Variants in TRIM62 observed in about 807,000 individuals in gnomAD.
The protein encoded by TRIM62 is E3 ubiquitin-protein ligase TRIM62.
A neutral mutation model predicts 44.2 loss-of-function variants in TRIM62; 39 were observed. The observed-to-expected ratio is 0.88, with a 90% CI of 0.68 to 1.15. The LOEUF (loss-of-function observed/expected upper bound fraction) is 1.15, where lower values mean the gene tolerates loss of function less well. Among genes scored for constraint, TRIM62 ranks in the 50% most tolerant of loss-of-function variants. TRIM62 has a pLI of 0.00. For synonymous variants in TRIM62, 278 were observed against 292.3 expected (o/e 0.95, Z 0.50); for missense variants, 544 against 665.5 (o/e 0.82, Z 2.01).
In TRIM62 at chr1:33,177,066, TGCACACACACAC is replaced by T. The variant is rs1645426174; in HGVS notation, c.408+3947_408+3958del. 6.4e-5 allele frequency among the ~76,000 whole-genome samples: 4 copies of T among 62,900 alleles called. No homozygotes were observed. Among genetic ancestry groups the T allele is most frequent in the African/African-American group, 2.2e-4 (4 of 18,266 alleles). The allele number at this position is 62,900 out of a possible 152,430, so 41.3% of individuals were successfully genotyped here. A position where few individuals can be genotyped will look rare whatever the true frequency, so the allele number is the denominator to read the frequency against. ...ACACACACACGCACACACACACACATGCACACACACACATGCATGCACAAATGCACACACATG... is the reference window on the plus strand; with the variant it reads ...ACACACACACGCACACACACACACATATGCATGCACAAATGCACACACATG... On this transcript the variant is annotated intron_variant, in intron 1 of 4. Coordinates refer to ENST00000291416, the MANE Select transcript of TRIM62 (RefSeq NM_018207.3). This position sits in a 1 kb window ranked among gnomAD's most constrained non-coding sequence, Gnocchi z 4.1.
rs1022063832 is a variant in TRIM62, at chr1:33,177,953, G to A, written c.408+3072C>T. ...AGAGATGGTAAATAATCTTCCCAAAGTCACACAGTAAATGGTAGAGCCAGG... is the reference window on the plus strand; with the variant it reads ...AGAGATGGTAAATAATCTTCCCAAAATCACACAGTAAATGGTAGAGCCAGG... On this transcript the variant is annotated intron_variant, in intron 1 of 4. Coordinates refer to ENST00000291416, the MANE Select transcript of TRIM62 (RefSeq NM_018207.3). The surrounding 1 kb of genome is among the most constrained non-coding windows in gnomAD (Gnocchi z 4.1). 6.6e-6 allele frequency among the ~76,000 whole-genome samples: 1 copy of A among 152,136 alleles called. No homozygotes were observed. Among genetic ancestry groups the A allele is most frequent in the Admixed American group, 6.5e-5 (1 of 15,272 alleles).
chr1:33,168,442 C>G (rs888081125), intron 1 of TRIM62, among the ~76,000 whole-genome samples: 1 of 151,998 alleles, frequency 6.6e-6, no homozygotes, highest in African/African-American at 2.4e-5. Flanking sequence ...TGTTCCCACT[C>G]AAGTGGATTT....
rs1049712518 is a variant in TRIM62, at chr1:33,177,483, G to A, written c.408+3542C>T. On this transcript the variant is annotated intron_variant, in intron 1 of 4. Coordinates refer to ENST00000291416, the MANE Select transcript of TRIM62 (RefSeq NM_018207.3). This position sits in a 1 kb window ranked among gnomAD's most constrained non-coding sequence, Gnocchi z 4.1. ...CATGTCAGGATCTGACCCCTGTGAT[G>A]TAATCTGGAGTACAAAGCAATTGTG... is the stretch of plus-strand genomic sequence containing the variant. 2.0e-5 allele frequency among the ~76,000 whole-genome samples: 3 copies of A among 152,162 alleles called. No individual in the cohort carries two copies. The highest frequency in any genetic ancestry group is 4.4e-5 in the Non-Finnish European group (3 of 68,040).
chr1:33,153,653 G>A (rs1178638577), intron 4 of TRIM62, among the ~76,000 whole-genome samples: 1 of 152,156 alleles, frequency 6.6e-6, no homozygotes, highest in Non-Finnish European at 1.5e-5. Context: ...GCTCCCTTAT[G>A]AGGGAGTTGA....
chr1:33,175,936 C>A (rs981166301), intron 1 of TRIM62, among the ~76,000 whole-genome samples: 1 of 152,096 alleles, frequency 6.6e-6, no homozygotes, highest in African/African-American at 2.4e-5. Context: ...TCTTGGGGTC[C>A]CCAATGTTGG....
intron 4 of TRIM62, 28 bp downstream of exon 4, chr1:33,158,225 C>T: frequency 6.2e-7 from 1 of 1,600,788 alleles, no homozygotes; most frequent in Non-Finnish European, 8.6e-7. Context: ...CCCCACCTAG[C>T]TCTGGACCAT....
chr1:33,157,668 T>C (rs763069764), intron 4 of TRIM62, among the ~76,000 whole-genome samples: 20 of 152,194 alleles, frequency 1.3e-4, no homozygotes, highest in Admixed American at 4.6e-4. Flanking sequence ...TGTACCCTGT[T>C]GTATAGAAGG....
Position 33,147,161 on chromosome 1 carries a change from T to G in TRIM62, c.*16A>C. The G allele has an allele frequency of 1.2e-6, 2 of 1,609,086 alleles. No homozygotes were observed. Among genetic ancestry groups the G allele is most frequent in the Non-Finnish European group, 1.7e-6 (2 of 1,177,200 alleles). On this transcript the variant is annotated 3_prime_UTR_variant, in exon 5 of 5. Transcript: ENST00000291416. This position sits in a 1 kb window ranked among gnomAD's most constrained non-coding sequence, Gnocchi z 8.1. Reference sequence around the variant, plus strand: ...TGGCAGTGGTCCCAGGAGGTTGTGGTCTCCTTCTGCCTGGACTAGATGCGG... The same window carrying G: ...TGGCAGTGGTCCCAGGAGGTTGTGGGCTCCTTCTGCCTGGACTAGATGCGG...
rs935983772 is a variant in TRIM62 at position 33,159,134 on chromosome 1, C to T, written c.761+554G>A. 1.3e-5 allele frequency among the ~76,000 whole-genome samples: 2 copies of T among 151,946 alleles called. No individual in the cohort carries two copies. Among genetic ancestry groups the T allele is most frequent in the East Asian group, 1.9e-4 (1 of 5,192 alleles). ...TGCTGGGATTACAGGTGTGAGCCAC[C>T]GTGCCCAGCAGGAGCCTCAGTTTCT... On this transcript the variant is annotated intron_variant, in intron 3 of 4. Coordinates refer to ENST00000291416, the MANE Select transcript of TRIM62 (RefSeq NM_018207.3). The surrounding 1 kb of genome is among the most constrained non-coding windows in gnomAD (Gnocchi z 4.2).
At position 33,159,648 on chromosome 1, in the gene TRIM62, G is replaced by A; in HGVS notation, c.761+40C>T. 6.3e-7 allele frequency: 1 copy of A among 1,580,630 alleles called. No homozygotes were observed. Among genetic ancestry groups the A allele is most frequent in the Non-Finnish European group, 8.6e-7 (1 of 1,164,124 alleles). On this transcript the variant is annotated intron_variant, in intron 3 of 4. Transcript: ENST00000291416. This position sits in a 1 kb window ranked among gnomAD's most constrained non-coding sequence, Gnocchi z 4.2. ...CACTGCCCAGCATGGGTCGAGGAGG[G>A]GATGGTCAGCCGGGGAGGGCCCCGG... is the stretch of plus-strand genomic sequence containing the variant.
At chr1:33,162,619 A>G (rs1010101797) in intron 2 of TRIM62, among the ~76,000 whole-genome samples, 2 of 152,166 alleles carry the variant, frequency 1.3e-5, no homozygotes, top group Non-Finnish European at 2.9e-5. Context: ...TGCTCCGTAG[A>G]GCTGGGTGCA....
intron 2 of TRIM62, among the ~76,000 whole-genome samples, chr1:33,162,511 C>T (rs866313628): frequency 6.6e-6 from 1 of 152,212 alleles, no homozygotes; most frequent in Non-Finnish European, 1.5e-5. Context: ...TGACATCTCC[C>T]TCGGCTCTGC....
intron 1 of TRIM62, among the ~76,000 whole-genome samples, chr1:33,179,237 G>C (rs1645443192): frequency 1.3e-5 from 2 of 152,242 alleles, no homozygotes; most frequent in Non-Finnish European, 2.9e-5. Context: ...CCTTGTGCAG[G>C]CTCCCAGAGG....
Position 33,181,094 on chromosome 1 carries a change from G to T in TRIM62, c.339C>A (p.Phe113Leu). ...CLTDRALLCF[F>L]CDEPALHEQH... Reference sequence around the variant, plus strand: ...GCTCGTGCAGTGCAGGCTCGTCGCAGAAGAAGCAGAGAAGCGCGCGGTCCG... The same window carrying T: ...GCTCGTGCAGTGCAGGCTCGTCGCATAAGAAGCAGAGAAGCGCGCGGTCCG... The change falls in exon 1 of 5, where the codon TTC becomes TTA. Residue 113 changes from phenylalanine (F) to leucine (L), a missense_variant. Transcript: ENST00000291416. The surrounding 1 kb of genome is among the most constrained non-coding windows in gnomAD (Gnocchi z 6.5). 1 of 1,599,770 alleles carries T rather than the reference G, an allele frequency of 6.3e-7. No individual in the cohort carries two copies.
At chr1:33,174,939 ATG>A (rs200793844) in intron 1 of TRIM62, among the ~76,000 whole-genome samples, 11 of 32,642 alleles carry the variant, frequency 3.4e-4, no homozygotes, top group Admixed American at 2.0e-3. Context: ...ACATACATAT[ATG>A]TGTGTATATA....
intron 1 of TRIM62, among the ~76,000 whole-genome samples, chr1:33,172,195 T>C (rs1181234385): frequency 6.6e-6 from 1 of 152,218 alleles, no homozygotes; most frequent in Non-Finnish European, 1.5e-5. Context: ...TCAATCTTAG[T>C]TGTCATTATC....
intron 4 of TRIM62, among the ~76,000 whole-genome samples, chr1:33,153,338 G>T (rs1645129705): frequency 6.6e-6 from 1 of 152,246 alleles, no homozygotes; most frequent in Non-Finnish European, 1.5e-5. Flanking sequence ...GGATGTTGGA[G>T]CACAGTCTGT....
chr1:33,181,522 C>A lies in TRIM62; in HGVS notation c.-90G>T. 1.4e-6 allele frequency: 2 copies of A among 1,451,568 alleles called. No individual in the cohort carries two copies. The allele number at this position is 1,451,568 out of a possible 1,614,324, so 89.9% of individuals were successfully genotyped here. ...GTCGGAGGCAGCACCGAGGGCTGGGCGCGGGGACGAGGCCCGCACAGGCAG... is the reference window on the plus strand; with the variant it reads ...GTCGGAGGCAGCACCGAGGGCTGGGAGCGGGGACGAGGCCCGCACAGGCAG... On this transcript the variant is annotated 5_prime_UTR_variant, in exon 1 of 5. Transcript: ENST00000291416. This position sits in a 1 kb window ranked among gnomAD's most constrained non-coding sequence, Gnocchi z 6.5.
Position 33,161,648 on chromosome 1 carries a change from C to T in TRIM62, c.505-1704G>A, listed in dbSNP as rs621539. Among the ~76,000 whole-genome samples, 103,210 of 151,838 alleles carry T rather than the reference C, an allele frequency of 0.68. 35,731 individuals are homozygous for T. The highest frequency in any genetic ancestry group is 0.75 in the Non-Finnish European group (50,631 of 67,894). Reference sequence around the variant, plus strand: ...CAGGCTGCCGTGGCCTTCCTGAGCCCCCTCACCCGGGGAGGGTGGAGGCCT... The same window carrying T: ...CAGGCTGCCGTGGCCTTCCTGAGCCTCCTCACCCGGGGAGGGTGGAGGCCT... On this transcript the variant is annotated intron_variant, in intron 2 of 4. Transcript: ENST00000291416. This position sits in a 1 kb window ranked among gnomAD's most constrained non-coding sequence, Gnocchi z 4.3.
Sources: gnomAD v4.1 joint callset for allele counts (sites outside exome capture counted in the v4.1 genomes callset) on GRCh38, gnomAD v4.1.1 for gene constraint, Gnocchi (gnomAD v3.1) non-coding constraint, MANE v1.5 for transcripts, NCBI Gene and HGNC (gene_info 2026-07-23, HGNC 2026-07-21) for gene names.